The following SASH1 variants were observed in gnomAD, a reference collection of about 807,000 sequenced individuals.
The protein encoded by SASH1 is SAM and SH3 domain-containing protein 1.
A neutral mutation model predicts 125.2 loss-of-function variants in SASH1; 44 were observed. The observed-to-expected ratio is 0.35, with a 90% CI of 0.28 to 0.45. SASH1 has a LOEUF of 0.45. SASH1 is among the 20% of genes least tolerant of loss of function. The probability of loss-of-function intolerance (pLI) is 1.00; values close to 1 mark genes in which losing one functional copy is unlikely to be tolerated. For missense variants in SASH1, 1,426 were observed against 1,614.5 expected, an observed-to-expected ratio of 0.88 and a Z score of 2.00; for synonymous variants, 639 against 649.1, an observed-to-expected ratio of 0.98 and a Z score of 0.24.
chr6:148,458,666 A>G (rs1315501466), intron 4 of SASH1, among the ~76,000 whole-genome samples: 2 of 152,182 alleles, frequency 1.3e-5, no homozygotes, highest in Admixed American at 6.5e-5. Flanking sequence ...ACCTCTCATT[A>G]TAAAAAATAC....
At chr6:148,197,545 C>A in the SASH1 span, among the ~76,000 whole-genome samples, 1 of 152,246 alleles carries the variant, frequency 6.6e-6, no homozygotes, top group Non-Finnish European at 1.5e-5. Flanking sequence ...ATTTCTCTTG[C>A]AGGCCACCCT....
intron 1 of SASH1, among the ~76,000 whole-genome samples, chr6:148,302,311 CAAAAAAAAAAAAAAAAAA>C (rs1174644909): frequency 2.2e-5 from 1 of 44,872 alleles, no homozygotes. Flanking sequence ...GACTCCGTCT[CAAAAAAAAAAAAAAAAAA>C]AAAAAAAAAA....
chr6:148,547,707 A>C (rs1490466856), intron 19 of SASH1, among the ~76,000 whole-genome samples: 1 of 152,220 alleles, frequency 6.6e-6, no homozygotes, highest in East Asian at 1.9e-4. Context: ...AAAGATTTTC[A>C]TACTCGTTAG....
intron 16 of SASH1, 115 bp downstream of exon 16, chr6:148,535,016 T>C: frequency 8.5e-7 from 1 of 1,181,600 alleles, no homozygotes; most frequent in Non-Finnish European, 1.2e-6. Flanking sequence ...CTGTTCTTTC[T>C]GTTACAAGAG....
chr6:148,431,454 C>T (rs367783165), intron 2 of SASH1, among the ~76,000 whole-genome samples: 2 of 152,142 alleles, frequency 1.3e-5, no homozygotes, highest in East Asian at 1.9e-4. Context: ...CCACCTCAAC[C>T]TCCCAAAGTG....
chr6:148,448,115 A>AGAGAGTGT (rs374141600), intron 4 of SASH1, among the ~76,000 whole-genome samples: 2 of 146,816 alleles, frequency 1.4e-5, no homozygotes, highest in East Asian at 4.0e-4. Context: ...CAGTGGAGAG[A>AGAGAGTGT]GTGTGTGTGT....
intron 2 of SASH1, among the ~76,000 whole-genome samples, chr6:148,396,478 GAAAAAAA>G (rs61277112): frequency 3.6e-4 from 23 of 63,796 alleles, no homozygotes; most frequent in African/African-American, 7.2e-4. Context: ...CTGCATCTCA[GAAAAAAA>G]AAAAAAAAAA....
chr6:148,527,988 T>G lies in SASH1; in HGVS notation c.1428+392T>G, dbSNP rs63250061. 3.4e-3 allele frequency among the ~76,000 whole-genome samples: 394 copies of G among 115,014 alleles called. 5 individuals are homozygous for G. Among genetic ancestry groups the G allele is most frequent in the African/African-American group, 0.012 (349 of 29,386 alleles). The allele number at this position is 115,014 out of a possible 152,430, so 75.5% of individuals were successfully genotyped here. A position where few individuals can be genotyped will look rare whatever the true frequency, so the allele number is the denominator to read the frequency against. On this transcript the variant is annotated intron_variant, in intron 12 of 19. Coordinates refer to ENST00000367467, the MANE Select transcript of SASH1 (RefSeq NM_015278.5). ...AATCAAACCTAAAGCTTTTTTTTTT[T>G]GGGGGGGGGGGTGGCAGTAGACTTG...
At chr6:148,374,157 C>A (rs1044396093) in intron 1 of SASH1, among the ~76,000 whole-genome samples, 1 of 152,162 alleles carries the variant, frequency 6.6e-6, no homozygotes, top group Non-Finnish European at 1.5e-5. Flanking sequence ...TATCCACATC[C>A]CAGAGAAGAA....
chr6:148,347,348 T>C (rs576769449), intron 1 of SASH1, among the ~76,000 whole-genome samples: 1 of 152,348 alleles, frequency 6.6e-6, no homozygotes. Flanking sequence ...TTTCCCAGCA[T>C]GTTTAAAAAA....
At chr6:148,449,063 A>AATTTC (rs1332242224) in intron 4 of SASH1, among the ~76,000 whole-genome samples, 2 of 82,864 alleles carry the variant, frequency 2.4e-5, no homozygotes, top group African/African-American at 5.1e-5. Flanking sequence ...GAGACTGGCT[A>AATTTC]ATTTCATTTC....
chr6:148,306,693 C>T (rs1780137568), intron 1 of SASH1, among the ~76,000 whole-genome samples: 1 of 152,150 alleles, frequency 6.6e-6, no homozygotes, highest in African/African-American at 2.4e-5. Flanking sequence ...CAAGATTCTC[C>T]CGAGCTGAGA....
At chr6:148,373,852 A>T (rs1408896634) in intron 1 of SASH1, among the ~76,000 whole-genome samples, 1 of 152,212 alleles carries the variant, frequency 6.6e-6, no homozygotes, top group Non-Finnish European at 1.5e-5. Context: ...GTGCACCTGT[A>T]ATCGCAGCTG....
the SASH1 span, among the ~76,000 whole-genome samples, chr6:148,250,496 T>C: frequency 6.7e-6 from 1 of 150,038 alleles, no homozygotes; most frequent in African/African-American, 2.5e-5. Flanking sequence ...CTGTGATGAG[T>C]GAAGAAGTAT....
the SASH1 span, among the ~76,000 whole-genome samples, chr6:148,240,672 G>A: frequency 1.3e-5 from 2 of 152,150 alleles, no homozygotes; most frequent in East Asian, 3.9e-4. Flanking sequence ...TATGCGTCAG[G>A]GCTCTGCGGG....
At chr6:148,298,877 G>GA (rs1348446403) in intron 1 of SASH1, among the ~76,000 whole-genome samples, 1 of 141,962 alleles carries the variant, frequency 7.0e-6, no homozygotes, top group African/African-American at 2.6e-5. Flanking sequence ...GGGAAGTAAG[G>GA]AGGGAGGGAG....
chr6:148,311,839 C>A (rs1364680775), intron 1 of SASH1, among the ~76,000 whole-genome samples: 1 of 152,080 alleles, frequency 6.6e-6, no homozygotes, highest in East Asian at 1.9e-4. Context: ...TAAAACCTTT[C>A]CTTGAATGTT....
At chr6:148,447,752 C>T (rs939883062) in intron 4 of SASH1, among the ~76,000 whole-genome samples, 2 of 151,846 alleles carry the variant, frequency 1.3e-5, no homozygotes, top group South Asian at 2.1e-4. Flanking sequence ...TCCTCCTCCT[C>T]CTCGTCCTCC....
the SASH1 span, among the ~76,000 whole-genome samples, chr6:148,254,887 G>A: frequency 1.3e-5 from 2 of 152,032 alleles, no homozygotes; most frequent in East Asian, 1.9e-4. Context: ...ACATATGTCC[G>A]TACAAAAACT....
Sources: gnomAD v4.1 joint callset for allele counts (sites outside exome capture counted in the v4.1 genomes callset) on GRCh38, gnomAD v4.1.1 for gene constraint, MANE v1.5 for transcripts, NCBI Gene and HGNC (gene_info 2026-07-23, HGNC 2026-07-21) for gene names.